PLXNA4: variants seen among roughly 807,000 people sequenced by gnomAD.
The protein encoded by PLXNA4 is plexin A4.
In PLXNA4, 44 loss-of-function variants were observed where a neutral mutation model predicts 191.8. That is an observed-to-expected ratio of 0.23 (90% CI 0.18 to 0.29). The LOEUF (loss-of-function observed/expected upper bound fraction) is 0.29, where lower values mean the gene tolerates loss of function less well. Ranked by LOEUF, PLXNA4 falls within the 10% of genes least tolerant of loss-of-function variation. The pLI, the probability that PLXNA4 is intolerant of heterozygous loss-of-function variation, is 1.00. For missense variants in PLXNA4, 1,800 were observed against 2,488.8 expected, an observed-to-expected ratio of 0.72 and a Z score of 5.89; for synonymous variants, 1,082 against 1,009.5, an observed-to-expected ratio of 1.07 and a Z score of -1.36.
intron 15 of PLXNA4, among the ~76,000 whole-genome samples, chr7:132,186,844 G>T (rs1469110888): frequency 5.9e-5 from 9 of 152,072 alleles, no homozygotes; most frequent in African/African-American, 2.2e-4. Flanking sequence ...TTTGCCTGGG[G>T]ACCAGAGAGC....
intron 4 of PLXNA4, among the ~76,000 whole-genome samples, chr7:132,286,111 C>A (rs1211945270): frequency 6.6e-6 from 1 of 152,218 alleles, no homozygotes; most frequent in Non-Finnish European, 1.5e-5. Flanking sequence ...TGGAGCAATT[C>A]CCACAGCAGG....
intron 4 of PLXNA4, among the ~76,000 whole-genome samples, chr7:132,254,205 G>A (rs1313746489): frequency 1.3e-5 from 2 of 152,128 alleles, no homozygotes; most frequent in Non-Finnish European, 2.9e-5. Context: ...GTATGATAGG[G>A]ACCCTCAGCT....
intron 5 of PLXNA4, among the ~76,000 whole-genome samples, chr7:132,238,988 A>G (rs1798793727): frequency 6.6e-6 from 1 of 152,212 alleles, no homozygotes; most frequent in African/African-American, 2.4e-5. Flanking sequence ...CACCATGTCC[A>G]ATTCACAGAG....
At chr7:132,457,882 G>C (rs1796366551) in intron 3 of PLXNA4, among the ~76,000 whole-genome samples, 1 of 152,198 alleles carries the variant, frequency 6.6e-6, no homozygotes, top group Non-Finnish European at 1.5e-5. Context: ...GAAAAGGCAA[G>C]GCAATGAATT....
At chr7:132,385,329 A>G (rs752225701) in intron 3 of PLXNA4, 23 of 1,590,080 alleles carry the variant, frequency 1.4e-5, no homozygotes, top group Non-Finnish European at 1.9e-5. Flanking sequence ...GACTTAGACC[A>G]TGGTGCACAA....
intron 1 of PLXNA4, among the ~76,000 whole-genome samples, chr7:132,527,707 C>T (rs549145490): frequency 3.3e-5 from 5 of 152,260 alleles, no homozygotes; most frequent in East Asian, 3.9e-4. Flanking sequence ...AATTGACACC[C>T]GACTGCATTA....
chr7:132,154,958 C>T (rs1795750144), intron 25 of PLXNA4, among the ~76,000 whole-genome samples: 1 of 152,218 alleles, frequency 6.6e-6, no homozygotes, highest in South Asian at 2.1e-4. Flanking sequence ...CTTTATCTGT[C>T]CTTCCCATCA....
upstream of PLXNA4, among the ~76,000 whole-genome samples, chr7:132,578,248 C>T (rs1802331353): frequency 1.3e-5 from 2 of 152,176 alleles, no homozygotes; most frequent in African/African-American, 4.8e-5. Context: ...GCATGCCACC[C>T]TCATCCTCAT....
In PLXNA4 at chr7:132,629,035, T is replaced by C. The variant is rs138493445; in HGVS notation, c.-87+16893A>G. Among the ~76,000 whole-genome samples, 864 of 152,366 alleles carry C rather than the reference T, an allele frequency of 5.7e-3. 10 individuals are homozygous for C. Among genetic ancestry groups the C allele is most frequent in the African/African-American group, 0.019 (785 of 41,582 alleles). ...TTGAAAGCTCTGTCACTGTCTTTTC[T>C]GCTAGTTGATCTCACTATTGATTGA... is the stretch of plus-strand genomic sequence containing the variant. On this transcript the variant is annotated intron_variant, in intron 2 of 4. Transcript: ENST00000378539.
At chr7:132,549,719 A>G (rs930547506) in intron 1 of PLXNA4, among the ~76,000 whole-genome samples, 2 of 152,218 alleles carry the variant, frequency 1.3e-5, no homozygotes, top group Admixed American at 6.5e-5. Context: ...AGTCATGACA[A>G]TTGCTATTTG....
chr7:132,389,148 G>A (rs2116981722), intron 3 of PLXNA4, among the ~76,000 whole-genome samples: 1 of 151,860 alleles, frequency 6.6e-6, no homozygotes, highest in East Asian at 1.9e-4. Flanking sequence ...GTAAGTTCTT[G>A]TAGATTCTGG....
chr7:132,399,089 T>A (rs1475286518), intron 3 of PLXNA4, among the ~76,000 whole-genome samples: 1 of 152,132 alleles, frequency 6.6e-6, no homozygotes, highest in Non-Finnish European at 1.5e-5. Context: ...GGTGCTGCAT[T>A]AAAGTACAGA....
At chr7:132,145,393 C>G in intron 28 of PLXNA4, 105 bp from the exon 29 acceptor site, 1 of 1,504,904 alleles carries the variant, frequency 6.6e-7, no homozygotes, top group Non-Finnish European at 9.0e-7. Flanking sequence ...GGTATACAGC[C>G]CACCCTACTT....
Position 132,622,348 on chromosome 7 carries a change from C to T in PLXNA4, c.-87+23580G>A, listed in dbSNP as rs148743069. ...GGATTTAATGTGAGCAAGAATTATT[C>T]AAGCATTTGTGGGGTTATTTATTAT... On this transcript the variant is annotated intron_variant, in intron 2 of 4. Coordinates refer to the PLXNA4 transcript ENST00000378539. 2.6e-5 allele frequency among the ~76,000 whole-genome samples: 4 copies of T among 152,284 alleles called. No homozygotes were observed. In the East Asian group the frequency reaches 7.7e-4, roughly 29 times the overall value.
intron 3 of PLXNA4, among the ~76,000 whole-genome samples, chr7:132,320,728 C>T (rs1802127206): frequency 6.6e-6 from 1 of 152,150 alleles, no homozygotes. Context: ...TTGGGCTTCC[C>T]TGAGTGCAGT....
intron 3 of PLXNA4, among the ~76,000 whole-genome samples, chr7:132,465,185 C>A (rs1385524778): frequency 7.5e-6 from 1 of 132,698 alleles, no homozygotes; most frequent in Non-Finnish European, 1.7e-5. Context: ...TCAGTCTAGA[C>A]CCCCCCACCA....
intron 3 of PLXNA4, among the ~76,000 whole-genome samples, chr7:132,408,113 A>G (rs147908679): frequency 0.016 from 2,458 of 152,286 alleles, 36 homozygotes; most frequent in African/African-American, 0.038. Context: ...GAACTAACTT[A>G]AATATAAAAC....
chr7:132,579,671 A>G (rs1242714825), upstream of PLXNA4, among the ~76,000 whole-genome samples: 1 of 152,026 alleles, frequency 6.6e-6, no homozygotes, highest in African/African-American at 2.4e-5. Flanking sequence ...AATGACAGGG[A>G]AGACACACAG....
At chr7:132,154,191 A>G (rs529463089) in intron 25 of PLXNA4, among the ~76,000 whole-genome samples, 1 of 152,246 alleles carries the variant, frequency 6.6e-6, no homozygotes, top group Admixed American at 6.5e-5. Context: ...AGGAGGCTGT[A>G]GGGGGAGACA....
Sources: gnomAD v4.1 joint callset for allele counts (sites outside exome capture counted in the v4.1 genomes callset) on GRCh38, gnomAD v4.1.1 for gene constraint, MANE v1.5 for transcripts, NCBI Gene and HGNC (gene_info 2026-07-23, HGNC 2026-07-21) for gene names.